AFDN: variants seen among roughly 807,000 people sequenced by gnomAD.
AFDN encodes afadin.
Under a neutral mutation model 216.6 loss-of-function variants are expected in AFDN, and 68 were observed. The observed-to-expected ratio is 0.31, with a 90% CI of 0.26 to 0.38. AFDN has a LOEUF of 0.38. AFDN is among the 10% of genes least tolerant of loss of function. AFDN has a pLI of 1.00. For missense variants in AFDN, 2,136 were observed against 2,342.0 expected, an observed-to-expected ratio of 0.91 and a Z score of 1.82; for synonymous variants, 868 against 853.7, an observed-to-expected ratio of 1.02 and a Z score of -0.29.
intron 2 of AFDN, among the ~76,000 whole-genome samples, chr6:167,865,623 A>C (rs1784090679): frequency 6.6e-6 from 1 of 152,150 alleles, no homozygotes; most frequent in Non-Finnish European, 1.5e-5. Context: ...TAAAAAAATT[A>C]ATAAAATGAA....
intron 27 of AFDN, among the ~76,000 whole-genome samples, 157 bp from the exon 28 acceptor site, chr6:167,947,696 A>T (rs2128659845): frequency 6.6e-6 from 1 of 150,856 alleles, no homozygotes; most frequent in Admixed American, 6.6e-5. Context: ...ATATGACAAG[A>T]CCTGATTTCT....
intron 30 of AFDN, chr6:167,952,477 G>A: frequency 1.0e-6 from 1 of 985,420 alleles, no homozygotes; most frequent in South Asian, 4.7e-5. Flanking sequence ...AACACTTCCA[G>A]TTGAGAAAAC....
intron 23 of AFDN, among the ~76,000 whole-genome samples, chr6:167,927,371 C>T (rs1345716560): frequency 1.3e-5 from 2 of 152,074 alleles, no homozygotes; most frequent in African/African-American, 4.8e-5. Flanking sequence ...TGTGCGATTA[C>T]TAAGGAGAGC....
chr6:167,902,095 A>G, intron 11 of AFDN, among the ~76,000 whole-genome samples: 1 of 149,298 alleles, frequency 6.7e-6, no homozygotes, highest in South Asian at 2.1e-4. Context: ...TTCATCTCAA[A>G]AAAAAAAAAA....
intron 2 of AFDN, among the ~76,000 whole-genome samples, chr6:167,867,123 C>T (rs909713406): frequency 3.3e-5 from 5 of 152,204 alleles, no homozygotes; most frequent in Admixed American, 6.5e-5. Flanking sequence ...CCTACTCACA[C>T]TTGCTTTAGA....
chr6:167,889,469 T>C (rs1787289944), intron 7 of AFDN, 143 bp downstream of exon 7: 2 of 600,772 alleles, frequency 3.3e-6, no homozygotes, highest in East Asian at 5.9e-5. Context: ...GTCTCACTCT[T>C]GTTGCCCAGG....
intron 1 of AFDN, among the ~76,000 whole-genome samples, chr6:167,851,598 T>G (rs1782316093): frequency 6.6e-6 from 1 of 152,224 alleles, no homozygotes; most frequent in Non-Finnish European, 1.5e-5. Context: ...AATCAGTTAG[T>G]AACCACCAAA....
At chr6:167,918,711 A>C (rs1791420334) in intron 20 of AFDN, 24 bp from the exon 21 acceptor site, 1 of 1,612,628 alleles carries the variant, frequency 6.2e-7, no homozygotes, top group African/African-American at 1.3e-5. Flanking sequence ...TCTCTTTTTA[A>C]TTTTGCGTTT....
chr6:167,930,288 T>G (rs966480705), intron 23 of AFDN, among the ~76,000 whole-genome samples: 2 of 152,112 alleles, frequency 1.3e-5, no homozygotes, highest in African/African-American at 2.4e-5. Flanking sequence ...CTCATGAAAG[T>G]TTTTTTTACC....
chr6:167,933,862 C>T (rs1037779515), intron 23 of AFDN, among the ~76,000 whole-genome samples: 5 of 152,046 alleles, frequency 3.3e-5, no homozygotes, highest in African/African-American at 9.7e-5. Flanking sequence ...TAGAGTTTAC[C>T]TGGATGTAGA....
rs752245818 is a variant in AFDN, at chr6:167,898,254, A to T, written c.1367A>T (p.Asp456Val). The change falls in exon 11 of 34, where the codon GAT becomes GTT. Residue 456 changes from aspartate to valine, a missense_variant. Asp to Val is a radical substitution (Grantham distance 152, BLOSUM62 -3). This residue lies in a region of AFDN where 817 missense variants were observed against 965.7 expected (regional missense o/e 0.85). Coordinates refer to ENST00000683244, the MANE Select transcript of AFDN (RefSeq NM_001386888.1). Reference protein sequence around the residue: ...QPHHCDLTNMDGVVTVTPRSM... With the variant: ...QPHHCDLTNMVGVVTVTPRSM... ...CATCACTGTGACCTTACCAACATGGATGGAGTGGTCACTGTGACGCCCAGA... is the reference window on the plus strand; with the variant it reads ...CATCACTGTGACCTTACCAACATGGTTGGAGTGGTCACTGTGACGCCCAGA... 5.0e-6 allele frequency: 8 copies of T among 1,614,068 alleles called. No individual in the cohort carries two copies. Among genetic ancestry groups the T allele is most frequent in the Non-Finnish European group, 6.8e-6 (8 of 1,180,000 alleles).
At chr6:167,956,777 C>G (rs1165008611) in intron 30 of AFDN, among the ~76,000 whole-genome samples, 1 of 152,156 alleles carries the variant, frequency 6.6e-6, no homozygotes, top group Non-Finnish European at 1.5e-5. Context: ...TTCAGAAACT[C>G]TACTGGCTTG....
Position 167,915,277 on chromosome 6 carries a change from G to T in AFDN, c.2409G>T (p.Met803Ile), listed in dbSNP as rs1378546859. ...LFSQLFHFIN[M>I]WLFNRLVTDP... ...CTCAGCTCTTCCACTTCATCAATAT[G>T]TGGCTGTTCAATAGATTGGTGACCG... Residue 803 changes from methionine to isoleucine, a missense_variant, in exon 19 of 34, where the codon ATG becomes ATT. Around this residue, in one of 8 missense-constraint regions of AFDN, gnomAD observed 817 missense variants for 965.7 expected, o/e 0.85. Transcript: ENST00000683244. 13 of 1,614,232 alleles carry T rather than the reference G, an allele frequency of 8.1e-6. No homozygotes were observed. Among genetic ancestry groups the T allele is most frequent in the Non-Finnish European group, 1.1e-5 (13 of 1,180,044 alleles).
In AFDN at chr6:167,889,727, C is replaced by T. The variant is rs141969354; in HGVS notation, c.1009+401C>T. Among the ~76,000 whole-genome samples the T allele has an allele frequency of 7.9e-3, 1,209 of 152,348 alleles. 21 individuals carry two copies. Among genetic ancestry groups the T allele is most frequent in the African/African-American group, 0.027 (1,136 of 41,572 alleles). On this transcript the variant is annotated intron_variant, in intron 7 of 33. Coordinates refer to ENST00000683244, the MANE Select transcript of AFDN (RefSeq NM_001386888.1). The stretch of plus-strand genomic sequence containing the variant: ...CCGTTGTCCCTAAGACCACACTCAG[C>T]TTATCTGAGTCTCATGTGTTAGACA...
chr6:167,852,990 C>T (rs959487155), intron 1 of AFDN, among the ~76,000 whole-genome samples: 5 of 152,038 alleles, frequency 3.3e-5, no homozygotes, highest in African/African-American at 1.2e-4. Context: ...TGACCTAGAC[C>T]TGGATTAAGC....
At chr6:167,826,883 T>TGCGGGG (rs1554273112), upstream of AFDN, 1 of 131,762 alleles carries the variant, frequency 7.6e-6, no homozygotes, top group African/African-American at 2.7e-5. Flanking sequence ...CGCGGGCGGG[T>TGCGGGG]GCGGGCGGCG....
rs79956224 is a variant in AFDN, at chr6:167,967,847, T to C, written c.5258-1267T>C. On this transcript the variant is annotated intron_variant, in intron 32 of 33. Transcript: ENST00000683244. Reference sequence around the variant, plus strand: ...CATGGTCTCATTCCTTGCTCAGCTCTGTTTGTGTCGCGAGCACTCTGGTAA... The same window carrying C: ...CATGGTCTCATTCCTTGCTCAGCTCCGTTTGTGTCGCGAGCACTCTGGTAA... 4.2e-3 allele frequency among the ~76,000 whole-genome samples: 640 copies of C among 152,314 alleles called. 6 individuals carry two copies. Among genetic ancestry groups the C allele is most frequent in the African/African-American group, 0.015 (603 of 41,570 alleles).
intron 10 of AFDN, among the ~76,000 whole-genome samples, chr6:167,897,462 C>G (rs1276014478): frequency 6.6e-6 from 1 of 152,142 alleles, no homozygotes; most frequent in Admixed American, 6.5e-5. Flanking sequence ...CACCCTTGCT[C>G]TGTACTTAGT....
chr6:167,930,039 A>G (rs1793083730), intron 23 of AFDN, among the ~76,000 whole-genome samples: 1 of 152,130 alleles, frequency 6.6e-6, no homozygotes, highest in Non-Finnish European at 1.5e-5. Flanking sequence ...CCCCATTTCT[A>G]CAAAAAAATC....
Sources: gnomAD v4.1 joint callset for allele counts (sites outside exome capture counted in the v4.1 genomes callset) on GRCh38, gnomAD v4.1.1 for gene constraint, gnomAD v4.1.1 regional missense constraint, MANE v1.5 for transcripts, NCBI Gene and HGNC (gene_info 2026-07-23, HGNC 2026-07-21) for gene names.